Variants in POC5 observed in about 807,000 individuals in gnomAD.
The protein encoded by POC5 is centrosomal protein POC5.
POC5 carries 48 observed loss-of-function variants against 62.9 expected under a neutral mutation model. The observed-to-expected ratio is 0.76, with a 90% CI of 0.61 to 0.97. POC5 has a LOEUF of 0.97. Among genes scored for constraint, POC5 ranks in the 50% least tolerant of loss-of-function variants. The probability of loss-of-function intolerance (pLI) is 0.00; values close to 1 mark genes in which losing one functional copy is unlikely to be tolerated. For missense variants in POC5, 696 were observed against 679.5 expected (o/e 1.02, Z -0.27); for synonymous variants, 236 against 228.2 (o/e 1.03, Z -0.31).
chr5:75,689,600 G>A, intron 8 of POC5: 1 of 984,698 alleles, frequency 1.0e-6, no homozygotes, highest in Non-Finnish European at 1.2e-6. Flanking sequence ...AGTATTTGAA[G>A]TGCAGAGTGA....
At position 75,674,538 on chromosome 5, in the gene POC5, G is replaced by C; in HGVS notation, c.1625C>G (p.Thr542Ser). ...TGAGGTACTACTTTCAGGATGAATG[G>C]TCCGGGGATATTTTGCTGCAGTTGC... ...PQATAAKYPR[T>S]IHPESSTSAS... Residue 542 changes from threonine to serine, a missense_variant, in exon 12 of 12, where the codon ACC (threonine) becomes AGC (serine). Physicochemically the swap from Thr to Ser is moderately conservative, Grantham distance 58 (BLOSUM62 1). Transcript: ENST00000428202. 3 of 1,614,006 alleles carry C rather than the reference G, an allele frequency of 1.9e-6. No homozygotes were observed. The highest frequency in any genetic ancestry group is 2.5e-6 in the Non-Finnish European group (3 of 1,179,888).
chr5:75,675,182 C>T (rs1363984172), intron 11 of POC5, among the ~76,000 whole-genome samples: 2 of 152,150 alleles, frequency 1.3e-5, no homozygotes, highest in Non-Finnish European at 2.9e-5. Flanking sequence ...TCAGGACACA[C>T]GTGACTTACT....
intron 11 of POC5, among the ~76,000 whole-genome samples, chr5:75,676,790 C>CT (rs1004835130): frequency 4.6e-5 from 7 of 150,624 alleles, no homozygotes; most frequent in Non-Finnish European, 1.0e-4. Flanking sequence ...CCATTGCACT[C>CT]TATCTAGCCT....
chr5:75,690,328 C>T, intron 8 of POC5, 55 bp downstream of exon 8: 1 of 1,440,256 alleles, frequency 6.9e-7, no homozygotes, highest in Non-Finnish European at 9.3e-7. Flanking sequence ...AATAGTGAGT[C>T]TATCTATCTT....
intron 5 of POC5, among the ~76,000 whole-genome samples, chr5:75,696,769 G>A (rs1264240961): frequency 7.9e-5 from 12 of 152,110 alleles, no homozygotes; most frequent in Non-Finnish European, 1.6e-4. Flanking sequence ...GCTACGGGAG[G>A]ACATTCAAAC....
intron 10 of POC5, 109 bp from the exon 11 acceptor site, chr5:75,678,059 T>C: frequency 1.2e-6 from 1 of 852,816 alleles, no homozygotes; most frequent in Non-Finnish European, 1.6e-6. Flanking sequence ...AATAACTGTA[T>C]GTTCAACCAA....
intron 10 of POC5, among the ~76,000 whole-genome samples, chr5:75,682,506 T>A (rs1775904838): frequency 7.9e-6 from 1 of 127,134 alleles, no homozygotes; most frequent in African/African-American, 3.2e-5. Context: ...ATTTTAGTGT[T>A]TTATTTCTTT....
chr5:75,694,695 A>C lies in POC5; in HGVS notation c.650T>G (p.Leu217Arg). The C allele has an allele frequency of 1.3e-6, 2 of 1,578,016 alleles. No individual in the cohort carries two copies. Among genetic ancestry groups the C allele is most frequent in the Non-Finnish European group, 1.7e-6 (2 of 1,167,882 alleles). Residue 217 changes from leucine (L) to arginine (R), a missense_variant, in exon 6 of 12, where the codon CTG becomes CGG. Leu to Arg is a moderately radical substitution (Grantham distance 102, BLOSUM62 -2). Coordinates refer to ENST00000428202, the MANE Select transcript of POC5 (RefSeq NM_001099271.2). The part of the protein sequence containing the change: ...LCNQINELKE[L>R]QKTFEISIGR... ...AATGGAGATTTCAAAGGTTTTTTGC[A>C]GCTCCTTCAATTCATTGATCTGATT...
At chr5:75,677,972 A>G (rs780618091) in intron 10 of POC5, 22 bp from the exon 11 acceptor site, 22 of 1,472,462 alleles carry the variant, frequency 1.5e-5, no homozygotes, top group Non-Finnish European at 1.9e-5. Context: ...AAAAAATAAA[A>G]GAAGTAACAA....
chr5:75,712,044 T>C (rs1306898540), intron 2 of POC5, among the ~76,000 whole-genome samples: 2 of 152,182 alleles, frequency 1.3e-5, no homozygotes, highest in East Asian at 3.8e-4. Flanking sequence ...TCCAGACTAG[T>C]TTTATCCTGT....
intron 5 of POC5, among the ~76,000 whole-genome samples, chr5:75,695,618 G>A (rs67054144): frequency 0.25 from 37,227 of 151,902 alleles, 4,777 homozygotes; most frequent in South Asian, 0.32. Context: ...CAAATTATAT[G>A]TTTCAGAAAA....
intron 5 of POC5, among the ~76,000 whole-genome samples, chr5:75,702,054 C>A (rs1776908906): frequency 6.6e-6 from 1 of 152,090 alleles, no homozygotes; most frequent in Non-Finnish European, 1.5e-5. Flanking sequence ...CACTTAAAAC[C>A]TGGCAACTCA....
intron 2 of POC5, chr5:75,709,384 T>C (rs1285048736): frequency 6.6e-6 from 1 of 152,220 alleles, no homozygotes; most frequent in Non-Finnish European, 1.5e-5. Context: ...TAAAAATCAG[T>C]ATTTTACATA....
intron 1 of POC5, 24 bp from the exon 2 acceptor site, chr5:75,712,975 A>G: frequency 6.6e-7 from 1 of 1,519,636 alleles, no homozygotes; most frequent in Non-Finnish European, 9.0e-7. Context: ...AGCTAACTTT[A>G]GCTTTTTTCC....
rs905669149 is a variant in POC5 at position 75,712,857 on chromosome 5, A to C, written c.81T>G (p.Leu27=). 1.2e-6 allele frequency: 2 copies of C among 1,604,648 alleles called. No homozygotes were observed. The highest frequency in any genetic ancestry group is 2.7e-5 in the African/African-American group (2 of 74,682). ...SSRGSSVSSN[L]QEEYEELLHY... is the part of the protein sequence containing the mutation. ...AAATTTAGAAATTTTTTCCTACCTG[A>C]AGATTCGAAGAGACAGAACTGCCTC... is the stretch of plus-strand genomic sequence containing the variant. The change falls in exon 2 of 12, where the codon CTT becomes CTG. Residue 27 remains leucine, a synonymous_variant. Transcript: ENST00000428202.
Position 75,685,274 on chromosome 5 carries a change from G to T in POC5, c.1340C>A (p.Ser447Tyr), listed in dbSNP as rs745589400. The change falls in exon 10 of 12, where the codon TCT becomes TAT. Residue 447 changes from serine to tyrosine, a missense_variant. Physicochemically the swap from Ser to Tyr is moderately radical, Grantham distance 144 (BLOSUM62 -2). Coordinates refer to ENST00000428202, the MANE Select transcript of POC5 (RefSeq NM_001099271.2). Reference sequence around the variant, plus strand: ...AGCAGAAACAGGAACGTGAACAGAAGATGCGGAAGCAGCCCTGGTAGAAGT... The same window carrying T: ...AGCAGAAACAGGAACGTGAACAGAATATGCGGAAGCAGCCCTGGTAGAAGT... Reference protein sequence around the residue: ...SMTSTRAASASSVHVPVSALG... With the variant: ...SMTSTRAASAYSVHVPVSALG... 6.2e-7 allele frequency: 1 copy of T among 1,614,060 alleles called. No homozygotes were observed. Among genetic ancestry groups the T allele is most frequent in the Non-Finnish European group, 8.5e-7 (1 of 1,179,904 alleles).
intron 7 of POC5, among the ~76,000 whole-genome samples, chr5:75,691,708 C>CATAT (rs146150795): frequency 4.9e-4 from 74 of 150,782 alleles, no homozygotes; most frequent in Middle Eastern, 3.4e-3. Context: ...ACATGGAAAG[C>CATAT]ATATATATAT....
chr5:75,716,092 A>T (rs1742525325), intron 1 of POC5, among the ~76,000 whole-genome samples: 1 of 152,116 alleles, frequency 6.6e-6, no homozygotes, highest in African/African-American at 2.4e-5. Flanking sequence ...GAAAAGGAAG[A>T]TACAGGGAAA....
At position 75,696,444 on chromosome 5, in the gene POC5, A is replaced by G. The variant is rs926668756; in HGVS notation, c.514-1613T>C. Among the ~76,000 whole-genome samples, 182 of 151,416 alleles carry G rather than the reference A, an allele frequency of 1.2e-3. 2 individuals are homozygous for G. The highest frequency in any genetic ancestry group is 6.8e-3 in the Middle Eastern group (2 of 294). ...CTAACTGGGAGGCACCCCCCAGCAGAGGCAGACTGACACCTCACACGGCCG... is the reference window on the plus strand; with the variant it reads ...CTAACTGGGAGGCACCCCCCAGCAGGGGCAGACTGACACCTCACACGGCCG... On this transcript the variant is annotated intron_variant, in intron 5 of 11. Transcript: ENST00000428202.
Sources: allele counts gnomAD v4.1 joint callset (sites outside exome capture counted in the v4.1 genomes callset), GRCh38; gene constraint gnomAD v4.1.1; transcripts MANE v1.5; gene names NCBI Gene and HGNC (gene_info 2026-07-23, HGNC 2026-07-21).